CNTNAP2: variants seen among roughly 807,000 people sequenced by gnomAD.
CNTNAP2 encodes the protein contactin associated protein 2.
In CNTNAP2, 98 loss-of-function variants were observed where a neutral mutation model predicts 155.2. The observed-to-expected ratio is 0.63, with a 90% confidence interval of 0.54 to 0.75. CNTNAP2 has a LOEUF of 0.75. CNTNAP2 is among the 30% of genes least tolerant of loss of function. The pLI, the probability that CNTNAP2 is intolerant of heterozygous loss-of-function variation, is 0.00. For synonymous variants in CNTNAP2, 651 were observed against 631.2 expected (o/e 1.03, Z -0.47); for missense variants, 1,727 against 1,688.1 (o/e 1.02, Z -0.40).
chr7:147,389,820 A>G (rs531461899), intron 9 of CNTNAP2, among the ~76,000 whole-genome samples: 1 of 152,342 alleles, frequency 6.6e-6, no homozygotes, highest in South Asian at 2.1e-4. Context: ...TTTTTATTCC[A>G]AATTCATAGA....
chr7:148,415,756 A>C lies in CNTNAP2; in HGVS notation c.*140A>C. 1 of 891,516 alleles carries C rather than the reference A, an allele frequency of 1.1e-6. No individual in the cohort carries two copies. Among genetic ancestry groups the C allele is most frequent in the Non-Finnish European group, 1.8e-6 (1 of 568,134 alleles). The allele number at this position is 891,516 out of a possible 1,614,324, so 55.2% of individuals were successfully genotyped here. ...TGGGGGAGGCAGGCAATGGAATATA[A>C]TGGAATATTCTTGAGACTGATCACA... On this transcript the variant is annotated 3_prime_UTR_variant, in exon 24 of 24. Coordinates refer to ENST00000361727, the MANE Select transcript of CNTNAP2 (RefSeq NM_014141.6).
intron 1 of CNTNAP2, among the ~76,000 whole-genome samples, chr7:146,365,726 A>G (rs901138257): frequency 6.6e-6 from 1 of 152,216 alleles, no homozygotes; most frequent in African/African-American, 2.4e-5. Flanking sequence ...TTTTCTTTAA[A>G]TTAATCACGT....
intron 3 of CNTNAP2, among the ~76,000 whole-genome samples, chr7:146,992,295 T>C (rs1006876713): frequency 2.6e-5 from 4 of 151,954 alleles, no homozygotes; most frequent in African/African-American, 9.7e-5. Context: ...GATGATCGTT[T>C]TATGCTACAT....
chr7:148,095,650 T>C (rs1803949390), intron 15 of CNTNAP2, among the ~76,000 whole-genome samples: 1 of 152,196 alleles, frequency 6.6e-6, no homozygotes, highest in South Asian at 2.1e-4. Flanking sequence ...TCACCAAAGT[T>C]TGTGAGCCAC....
Position 146,927,788 on chromosome 7 carries a change from T to C in CNTNAP2, c.402+87884T>C, listed in dbSNP as rs540443662. Reference sequence around the variant, plus strand: ...ATGTGTGTGTGTGTTTGTGTGTGTGTATGTATACATGTATATGTCTTGGGC... The same window carrying C: ...ATGTGTGTGTGTGTTTGTGTGTGTGCATGTATACATGTATATGTCTTGGGC... On this transcript the variant is annotated intron_variant, in intron 3 of 23. Coordinates refer to ENST00000361727, the MANE Select transcript of CNTNAP2 (RefSeq NM_014141.6). Among the ~76,000 whole-genome samples the C allele has an allele frequency of 3.9e-5, 6 of 152,040 alleles. No individual in the cohort carries two copies. The South Asian group carries it at 1.2e-3, about 32-fold the overall frequency.
intron 1 of CNTNAP2, among the ~76,000 whole-genome samples, chr7:146,650,902 C>T (rs550120176): frequency 1.3e-4 from 20 of 152,158 alleles, no homozygotes; most frequent in African/African-American, 3.4e-4. Flanking sequence ...GCACCTGTAT[C>T]GCAACTATTC....
intron 17 of CNTNAP2, among the ~76,000 whole-genome samples, chr7:148,159,496 T>C (rs188861313): frequency 2.0e-3 from 298 of 152,346 alleles, no homozygotes; most frequent in African/African-American, 6.4e-3. Flanking sequence ...CTGAATACTA[T>C]GTGCATAGTG....
intron 8 of CNTNAP2, among the ~76,000 whole-genome samples, chr7:147,273,871 A>G (rs1584836602): frequency 6.8e-6 from 1 of 147,782 alleles, no homozygotes; most frequent in African/African-American, 2.5e-5. Context: ...TATGTAATAT[A>G]TGTATATTAT....
At chr7:147,061,226 T>G (rs1465768471) in intron 4 of CNTNAP2, among the ~76,000 whole-genome samples, 1 of 152,168 alleles carries the variant, frequency 6.6e-6, no homozygotes, top group Non-Finnish European at 1.5e-5. Context: ...TCAGAAATAA[T>G]GCATTGAACA....
chr7:147,468,673 A>C (rs1798160770), intron 10 of CNTNAP2, among the ~76,000 whole-genome samples: 1 of 152,170 alleles, frequency 6.6e-6, no homozygotes, highest in Admixed American at 6.5e-5. Context: ...AAATAATCTA[A>C]AACTCACTTG....
chr7:148,063,246 T>G (rs1015905788), intron 15 of CNTNAP2, among the ~76,000 whole-genome samples: 1 of 152,072 alleles, frequency 6.6e-6, no homozygotes, highest in African/African-American at 2.4e-5. Context: ...TGGGCAATTG[T>G]GTCCTTTTTC....
intron 15 of CNTNAP2, among the ~76,000 whole-genome samples, chr7:147,985,557 G>T (rs775447011): frequency 6.6e-5 from 10 of 151,898 alleles, no homozygotes; most frequent in Non-Finnish European, 1.3e-4. Context: ...GACAAAAACT[G>T]CTCCCAGTCC....
At chr7:146,888,092 G>A (rs1585140111) in intron 3 of CNTNAP2, among the ~76,000 whole-genome samples, 1 of 152,034 alleles carries the variant, frequency 6.6e-6, no homozygotes, top group South Asian at 2.1e-4. Flanking sequence ...TTAGCCTCAA[G>A]GACCAGGTTT....
intron 21 of CNTNAP2, among the ~76,000 whole-genome samples, chr7:148,307,298 T>C (rs1797507039): frequency 1.3e-5 from 2 of 152,148 alleles, no homozygotes; most frequent in African/African-American, 4.8e-5. Flanking sequence ...ATATAAATGT[T>C]CTTCACGAGC....
chr7:147,753,345 T>C (rs997488234), intron 13 of CNTNAP2, among the ~76,000 whole-genome samples: 2 of 152,184 alleles, frequency 1.3e-5, no homozygotes, highest in African/African-American at 4.8e-5. Context: ...TTGTGTGAAA[T>C]ACTCTCTTTC....
chr7:146,788,653 C>T (rs1802620196), intron 2 of CNTNAP2, among the ~76,000 whole-genome samples: 1 of 152,084 alleles, frequency 6.6e-6, no homozygotes, highest in Non-Finnish European at 1.5e-5. Flanking sequence ...AGTATAAGCA[C>T]TTCTCATTGG....
chr7:148,143,576 G>A (rs941974112), intron 16 of CNTNAP2, among the ~76,000 whole-genome samples: 1 of 152,196 alleles, frequency 6.6e-6, no homozygotes, highest in Non-Finnish European at 1.5e-5. Context: ...CTACTTGAGA[G>A]GCTGAGGTGG....
intron 11 of CNTNAP2, among the ~76,000 whole-genome samples, chr7:147,526,280 T>C (rs1799317856): frequency 6.6e-6 from 1 of 152,202 alleles, no homozygotes; most frequent in Middle Eastern, 3.4e-3. Context: ...AAAAATCTAA[T>C]TCACAGTGTG....
At chr7:147,229,258 C>T (rs1803623724) in intron 8 of CNTNAP2, among the ~76,000 whole-genome samples, 1 of 152,122 alleles carries the variant, frequency 6.6e-6, no homozygotes, top group Admixed American at 6.5e-5. Context: ...CAAGAATGAA[C>T]AGCTTGGTTC....
Sources: gnomAD v4.1 joint callset for allele counts (sites outside exome capture counted in the v4.1 genomes callset) on GRCh38, gnomAD v4.1.1 for gene constraint, MANE v1.5 for transcripts, NCBI Gene and HGNC (gene_info 2026-07-23, HGNC 2026-07-21) for gene names.